Variants in RANBP3 observed in about 807,000 individuals in gnomAD.
RANBP3 encodes the protein RAN binding protein 3, also known as ran-binding protein 3.
Under a neutral mutation model 77.3 loss-of-function variants are expected in RANBP3, and 14 were observed. The ratio of observed to expected loss-of-function variants is 0.18; its 90% CI spans 0.12 to 0.28. RANBP3 has a LOEUF of 0.28. Among genes scored for constraint, RANBP3 ranks in the 10% least tolerant of loss-of-function variants. RANBP3 has a pLI of 1.00. For synonymous variants in RANBP3, 315 were observed against 312.4 expected (o/e 1.01, Z -0.09); for missense variants, 586 against 752.3 (o/e 0.78, Z 2.59).
At chr19:5,970,314 C>T (rs938280423) in intron 1 of RANBP3, among the ~76,000 whole-genome samples, 2 of 152,266 alleles carry the variant, frequency 1.3e-5, no homozygotes, top group East Asian at 1.9e-4. Flanking sequence ...GGTGACCCCC[C>T]ACCCTGGCTT....
At chr19:5,935,419 ACACT>A (rs1030303658) in intron 5 of RANBP3, among the ~76,000 whole-genome samples, 3 of 152,264 alleles carry the variant, frequency 2.0e-5, no homozygotes, top group African/African-American at 7.2e-5. Context: ...TCCGAAGGAA[ACACT>A]CAATTACATT....
At chr19:5,956,283 A>G (rs2058334098) in intron 2 of RANBP3, among the ~76,000 whole-genome samples, 1 of 152,196 alleles carries the variant, frequency 6.6e-6, no homozygotes, top group Non-Finnish European at 1.5e-5. Flanking sequence ...AGGAATGACT[A>G]TAACATCTCC....
rs2058552226 is a variant in RANBP3 at position 5,973,382 on chromosome 19, G to A, written c.22+4679C>T. Among the ~76,000 whole-genome samples, 3 of 152,296 alleles carry A rather than the reference G, an allele frequency of 2.0e-5. No individual in the cohort carries two copies. The South Asian group carries it at 6.2e-4, about 32-fold the overall frequency. On this transcript the variant is annotated intron_variant, in intron 1 of 16. Coordinates refer to ENST00000340578, the MANE Select transcript of RANBP3 (RefSeq NM_007322.3). ...CTGAAAGCAACTCTGCCCCCGGGGG[G>A]ACACTGGGACGGAGACATTTCCACT...
At chr19:5,963,221 G>A (rs1372074276) in intron 1 of RANBP3, among the ~76,000 whole-genome samples, 1 of 152,192 alleles carries the variant, frequency 6.6e-6, no homozygotes, top group Non-Finnish European at 1.5e-5. Flanking sequence ...AATGCAGTCT[G>A]TCTGGAGATT....
In RANBP3 at chr19:5,954,173, C is replaced by T. The variant is rs188975898; in HGVS notation, c.79-2577G>A. ...ATAAAGAGCTGTCTCCTTTGAATGGCGTGAGAGGGATGGTGGAGACGAAGG... is the reference window on the plus strand; with the variant it reads ...ATAAAGAGCTGTCTCCTTTGAATGGTGTGAGAGGGATGGTGGAGACGAAGG... On this transcript the variant is annotated intron_variant, in intron 2 of 16. Coordinates refer to ENST00000340578, the MANE Select transcript of RANBP3 (RefSeq NM_007322.3). Among the ~76,000 whole-genome samples, 31 of 152,234 alleles carry T rather than the reference C, an allele frequency of 2.0e-4. No homozygotes were observed. The East Asian group carries it at 5.6e-3, about 27-fold the overall frequency.
intron 8 of RANBP3, 177 bp from the exon 9 acceptor site, chr19:5,928,264 T>C: frequency 1.5e-6 from 1 of 678,040 alleles, no homozygotes; most frequent in Non-Finnish European, 2.3e-6. Flanking sequence ...GGAGTTGTAG[T>C]GAGCTGAGAT....
chr19:5,936,917 C>T (rs1037652595), intron 5 of RANBP3, among the ~76,000 whole-genome samples: 5 of 151,570 alleles, frequency 3.3e-5, no homozygotes, highest in Non-Finnish European at 5.9e-5. Context: ...GAGTATCCCA[C>T]GGGTGGTGAG....
At chr19:5,925,047 G>A in intron 10 of RANBP3, 142 bp from the exon 11 acceptor site, 1 of 770,014 alleles carries the variant, frequency 1.3e-6, no homozygotes, top group South Asian at 1.5e-5. Context: ...GCGTGTCAGA[G>A]GCAGGAAGCC....
At chr19:5,925,110 G>A (rs2057885451) in intron 10 of RANBP3, 1 of 586,018 alleles carries the variant, frequency 1.7e-6, no homozygotes, top group Non-Finnish European at 3.1e-6. Context: ...CCCTGATGGA[G>A]GGGCCCCACA....
chr19:5,976,039 GGGA>G (rs2145304151), intron 1 of RANBP3, among the ~76,000 whole-genome samples: 1 of 152,250 alleles, frequency 6.6e-6, no homozygotes, highest in South Asian at 2.1e-4. Context: ...GGTGTTGGTG[GGGA>G]GAAGTGGTGG....
At chr19:5,927,315 G>A (rs1019896331) in intron 9 of RANBP3, among the ~76,000 whole-genome samples, 1 of 152,170 alleles carries the variant, frequency 6.6e-6, no homozygotes, top group Admixed American at 6.5e-5. Context: ...GCAGCCAAGA[G>A]GTGGCAGACG....
chr19:5,940,348 T>A (rs2058119785), intron 5 of RANBP3, among the ~76,000 whole-genome samples: 1 of 152,094 alleles, frequency 6.6e-6, no homozygotes, highest in Non-Finnish European at 1.5e-5. Flanking sequence ...GAAGTGGAGC[T>A]CCCTCATTCC....
intron 3 of RANBP3, among the ~76,000 whole-genome samples, chr19:5,946,084 C>T (rs1035212629): frequency 3.3e-5 from 5 of 152,150 alleles, no homozygotes; most frequent in Admixed American, 1.3e-4. Flanking sequence ...GTTGCTCCTC[C>T]GTGGGCGCCC....
Position 5,918,536 on chromosome 19 carries a change from A to G in RANBP3, c.1433T>C (p.Met478Thr), listed in dbSNP as rs1203267626. 2 of 1,612,288 alleles carry G rather than the reference A, an allele frequency of 1.2e-6. No individual in the cohort carries two copies. The highest frequency in any genetic ancestry group is 3.3e-5 in the Admixed American group (2 of 59,768). ...CTTCACGCCCTGGTCCTCGGTGTCC[A>G]TGGCTGTGATGCGAATGCTCTTCTC... Reference protein sequence around the residue: ...ASEKSIRITAMDTEDQGVKVF... With the variant: ...ASEKSIRITATDTEDQGVKVF... Residue 478 changes from methionine (M) to threonine (T), a missense_variant, in exon 15 of 17, where the codon ATG (methionine) becomes ACG (threonine). By Grantham distance (81) the Met-to-Thr change is moderately conservative. Transcript: ENST00000340578.
intron 1 of RANBP3, among the ~76,000 whole-genome samples, chr19:5,969,377 GAATT>G (rs1302159781): frequency 6.6e-6 from 1 of 152,212 alleles, no homozygotes; most frequent in Non-Finnish European, 1.5e-5. Context: ...TGCAACGCAG[GAATT>G]AATTCTGGGT....
At chr19:5,976,990 C>T (rs921254228) in intron 1 of RANBP3, among the ~76,000 whole-genome samples, 1 of 152,208 alleles carries the variant, frequency 6.6e-6, no homozygotes, top group Non-Finnish European at 1.5e-5. Flanking sequence ...ATGGGGCTAA[C>T]AGTATCTATA....
chr19:5,923,288 G>A lies in RANBP3; in HGVS notation c.1115C>T (p.Ser372Leu), dbSNP rs2057851626. 4 of 1,614,176 alleles carry A rather than the reference G, an allele frequency of 2.5e-6. No individual in the cohort carries two copies. The highest frequency in any genetic ancestry group is 2.5e-6 in the Non-Finnish European group (3 of 1,180,030). The change falls in exon 13 of 17, where the codon TCG (serine) becomes TTG (leucine). Residue 372 changes from serine (S) to leucine (L), a missense_variant. This residue lies in a region of RANBP3 where 51 missense variants were observed against 123.2 expected (regional missense o/e 0.41). Coordinates refer to ENST00000340578, the MANE Select transcript of RANBP3 (RefSeq NM_007322.3). Reference sequence around the variant, plus strand: ...TGTTGCCTTGGTGTAGGCGGCTGCCGACTCAGCCAGGGACTCTGAAAAGTT... The same window carrying A: ...TGTTGCCTTGGTGTAGGCGGCTGCCAACTCAGCCAGGGACTCTGAAAAGTT... ...ATPEKESLAE[S>L]AAAYTKATAR...
At chr19:5,950,080 A>AC (rs981348851) in intron 3 of RANBP3, among the ~76,000 whole-genome samples, 1 of 152,178 alleles carries the variant, frequency 6.6e-6, no homozygotes, top group African/African-American at 2.4e-5. Flanking sequence ...CTGTGCTCTC[A>AC]AAGACCAGAG....
intron 1 of RANBP3, among the ~76,000 whole-genome samples, chr19:5,969,311 C>A (rs1347827911): frequency 6.6e-6 from 1 of 152,194 alleles, no homozygotes; most frequent in African/African-American, 2.4e-5. Flanking sequence ...CACCCTCTCC[C>A]CCAGAGAAAG....
Sources: allele counts gnomAD v4.1 joint callset (sites outside exome capture counted in the v4.1 genomes callset), GRCh38; gene constraint gnomAD v4.1.1; regional missense constraint gnomAD v4.1.1; transcripts MANE v1.5; gene names NCBI Gene and HGNC (gene_info 2026-07-23, HGNC 2026-07-21).